Variants in THAP9 observed in about 807,000 individuals in gnomAD.
The protein encoded by THAP9 is THAP domain containing 9.
A neutral mutation model predicts 35.7 loss-of-function variants in THAP9; 20 were observed. The ratio of observed to expected loss-of-function variants is 0.56; its 90% confidence interval spans 0.39 to 0.81. The LOEUF (loss-of-function observed/expected upper bound fraction) is 0.81. Among genes scored for constraint, THAP9 ranks in the 40% least tolerant of loss-of-function variants. The pLI is 0.00. For synonymous variants in THAP9, 335 were observed against 373.7 expected, an observed-to-expected ratio of 0.90 and a Z score of 1.19; for missense variants, 870 against 1,047.4, an observed-to-expected ratio of 0.83 and a Z score of 2.34.
At chr4:82,916,131 A>C (rs895287144) in intron 4 of THAP9, among the ~76,000 whole-genome samples, 1 of 152,222 alleles carries the variant, frequency 6.6e-6, no homozygotes, top group Non-Finnish European at 1.5e-5. Context: ...TTTGAGTTAC[A>C]AAAGTATATG....
chr4:82,903,295 T>C (rs1347007156), intron 1 of THAP9: 2 of 152,280 alleles, frequency 1.3e-5, no homozygotes, highest in Non-Finnish European at 2.9e-5. Flanking sequence ...CTATCTTGGC[T>C]CACTGCAACT....
At chr4:82,904,497 G>C (rs899789927) in intron 1 of THAP9, among the ~76,000 whole-genome samples, 1 of 151,936 alleles carries the variant, frequency 6.6e-6, no homozygotes, top group Non-Finnish European at 1.5e-5. Flanking sequence ...AAATATAGTA[G>C]GATTTTTAAT....
In THAP9 at chr4:82,906,336, G is replaced by T; in HGVS notation, c.289G>T (p.Val97Leu). 1 of 1,592,044 alleles carries T rather than the reference G, an allele frequency of 6.3e-7. No individual in the cohort carries two copies. Among genetic ancestry groups the T allele is most frequent in the South Asian group, 1.1e-5 (1 of 87,090 alleles). The change falls in exon 3 of 5, where the codon GTA becomes TTA. Residue 97 changes from valine (V) to leucine (L), a missense_variant. Around this residue, in one of 3 missense-constraint regions of THAP9, gnomAD observed 440 missense variants for 501.2 expected, o/e 0.88. Transcript: ENST00000302236. ...ATATCTGTCATAGATTCCTCAAGGT[G>T]TACATCTTAAAGGTAAAGCAAGACA... ...SVSLYKIPQG[V>L]HLKGKARQKI...
rs180735250 is a variant in THAP9, at chr4:82,907,833, C to A, written c.629C>A (p.Ala210Glu). Residue 210 changes from alanine (A) to glutamate (E), a missense_variant, in exon 4 of 5, where the codon GCA becomes GAA. Around this residue, in one of 3 missense-constraint regions of THAP9, gnomAD observed 440 missense variants for 501.2 expected, o/e 0.88. Coordinates refer to ENST00000302236, the MANE Select transcript of THAP9 (RefSeq NM_024672.6). ...TGGAGAGAAACAGATGAGTACTCCGCAGAAATGAAACAATTTGCATGTACA... is the reference window on the plus strand; with the variant it reads ...TGGAGAGAAACAGATGAGTACTCCGAAGAAATGAAACAATTTGCATGTACA... ...YNWRETDEYS[A>E]EMKQFACTLY... 2 of 1,609,582 alleles carry A rather than the reference C, an allele frequency of 1.2e-6. No homozygotes were observed. Among genetic ancestry groups the A allele is most frequent in the African/African-American group, 2.7e-5 (2 of 74,886 alleles).
chr4:82,906,708 C>T (rs968635733), intron 3 of THAP9, 81 bp downstream of exon 3: 1 of 1,336,082 alleles, frequency 7.5e-7, no homozygotes, highest in African/African-American at 1.5e-5. Context: ...TTTGTTCTTG[C>T]CTATGAAAAC....
rs921172172 is a variant in THAP9, at chr4:82,905,011, G to C, written c.276+80G>C. 125 of 1,362,922 alleles carry C rather than the reference G, an allele frequency of 9.2e-5. 1 individual carries two copies. Among genetic ancestry groups the C allele is most frequent in the Non-Finnish European group, 1.1e-4 (114 of 1,003,812 alleles). The allele number at this position is 1,362,922 out of a possible 1,614,324, so 84.4% of individuals were successfully genotyped here. ...ATCAAGATAGCCCCCATTATAGCTA[G>C]AATTTGCAGACAAAAAAACCCAAGT... On this transcript the variant is annotated intron_variant, in intron 2 of 4. Transcript: ENST00000302236.
Position 82,918,080 on chromosome 4 carries a change from T to C in THAP9, c.1868T>C (p.Leu623Ser), listed in dbSNP as rs144352856. 5.0e-6 allele frequency: 8 copies of C among 1,614,102 alleles called. No homozygotes were observed. Among genetic ancestry groups the C allele is most frequent in the Non-Finnish European group, 6.8e-6 (8 of 1,179,976 alleles). ...ELFLKMLRQV[L>S]VTSSSPTCMA... is the part of the protein sequence containing the mutation. ...TTTCTAAAGATGCTTAGGCAGGTAT[T>C]AGTAACAAGTTCTAGCCCTACCTGC... Residue 623 changes from leucine to serine, a missense_variant, in exon 5 of 5, where the codon TTA becomes TCA. This residue lies in a region of THAP9 where 414 missense variants were observed against 500.8 expected (regional missense o/e 0.83). Coordinates refer to ENST00000302236, the MANE Select transcript of THAP9 (RefSeq NM_024672.6).
At position 82,906,577 on chromosome 4, in the gene THAP9, A is replaced by T. The variant is rs1344921401; in HGVS notation, c.530A>T (p.Glu177Val). 6.2e-7 allele frequency: 1 copy of T among 1,610,896 alleles called. No individual in the cohort carries two copies. The highest frequency in any genetic ancestry group is 1.1e-5 in the South Asian group (1 of 90,424). The change falls in exon 3 of 5, where the codon GAG (glutamate) becomes GTG (valine). Residue 177 changes from glutamate (E) to valine (V), a missense_variant. Around this residue, in one of 3 missense-constraint regions of THAP9, gnomAD observed 440 missense variants for 501.2 expected, o/e 0.88. Transcript: ENST00000302236. ...CGATTAATTGATGCACTTGTAGAAG[A>T]GAAACTACTTTCTGAAGAAACAGAG... Reference protein sequence around the residue: ...GLRLIDALVEEKLLSEETECL... With the variant: ...GLRLIDALVEVKLLSEETECL...
chr4:82,905,697 C>T (rs962033445), intron 2 of THAP9, among the ~76,000 whole-genome samples: 1 of 152,102 alleles, frequency 6.6e-6, no homozygotes, highest in African/African-American at 2.4e-5. Flanking sequence ...TATATACTTA[C>T]TATATATGTG....
Position 82,917,596 on chromosome 4 carries a change from C to G in THAP9, c.1384C>G (p.Pro462Ala), listed in dbSNP as rs1721081775. 6.2e-7 allele frequency: 1 copy of G among 1,613,882 alleles called. No individual in the cohort carries two copies. Among genetic ancestry groups the G allele is most frequent in the Admixed American group, 1.7e-5 (1 of 59,990 alleles). The change falls in exon 5 of 5, where the codon CCA becomes GCA. Residue 462 changes from proline to alanine, a missense_variant. Around this residue, in one of 3 missense-constraint regions of THAP9, gnomAD observed 16 missense variants for 45.5 expected, o/e 0.35. Coordinates refer to ENST00000302236, the MANE Select transcript of THAP9 (RefSeq NM_024672.6). ...GGAATTATCAAATATGGAAAGAATA[C>G]CAAGTACACTTGCAAATTTGAAAAA... ...EQELSNMERI[P>A]STLANLKNHV... is the part of the protein sequence containing the mutation.
chr4:82,908,593 C>CT (rs1439841329), intron 4 of THAP9, among the ~76,000 whole-genome samples: 2 of 152,194 alleles, frequency 1.3e-5, no homozygotes, highest in Admixed American at 6.5e-5. Context: ...TTACAGATTC[C>CT]TTTTTTTGTT....
chr4:82,919,662 A>G lies in THAP9; in HGVS notation c.*738A>G, dbSNP rs982609687. ...ACTTAGTTTGACTTGAAAGAGCTCA[A>G]TGCTCATCGGAAAACAGGGAGAAAC... On this transcript the variant is annotated 3_prime_UTR_variant, in exon 5 of 5. Transcript: ENST00000302236. The G allele has an allele frequency of 1.7e-4, 26 of 152,362 alleles. 1 individual carries two copies. Among genetic ancestry groups the G allele is most frequent in the South Asian group, 1.4e-3 (7 of 4,830 alleles). The allele number at this position is 152,362 out of a possible 1,614,324, so 9.4% of individuals were successfully genotyped here.
In THAP9 at chr4:82,918,553, AC is replaced by A. The variant is rs1560700631; in HGVS notation, c.2344del (p.His782IlefsTer9). On this transcript the variant is annotated frameshift_variant, in exon 5 of 5. Coordinates refer to ENST00000302236, the MANE Select transcript of THAP9 (RefSeq NM_024672.6). LOFTEE classifies it high-confidence loss of function. Reference sequence around the variant, plus strand: ...AAATATTTGTGAGCGAGTTGTAAGAACCCATTCAAGAATGGCAATTTTTGAA... The same window carrying A: ...AAATATTTGTGAGCGAGTTGTAAGAACCATTCAAGAATGGCAATTTTTGAA... ...VINICERVVR[T>X]HSRMAIFELV... is the part of the protein sequence containing the mutation. The A allele has an allele frequency of 1.1e-5, 17 of 1,614,122 alleles. No homozygotes were observed. Among genetic ancestry groups the A allele is most frequent in the Non-Finnish European group, 1.4e-5 (17 of 1,179,974 alleles).
intron 1 of THAP9, chr4:82,901,154 G>A: frequency 1.5e-6 from 1 of 665,704 alleles, no homozygotes; most frequent in Non-Finnish European, 2.8e-6. Flanking sequence ...TCCATTAATT[G>A]GATGGTCTTA....
chr4:82,914,149 A>G (rs866568102), intron 4 of THAP9, among the ~76,000 whole-genome samples: 67 of 152,344 alleles, frequency 4.4e-4, no homozygotes, highest in African/African-American at 1.5e-3. Context: ...GTTGCTGCAA[A>G]AGACATGATC....
At chr4:82,910,590 A>G (rs1490204940) in intron 4 of THAP9, 3 of 327,328 alleles carry the variant, frequency 9.2e-6, no homozygotes, top group Non-Finnish European at 1.5e-5. Flanking sequence ...ATACGTTTCC[A>G]TTTATTTTCC....
chr4:82,913,104 C>A (rs1297269623), intron 4 of THAP9: 1 of 151,680 alleles, frequency 6.6e-6, no homozygotes, highest in East Asian at 1.9e-4. Context: ...TTTTTATTTT[C>A]AGAGACGAAA....
In THAP9 at chr4:82,917,471, G is replaced by A. The variant is rs1484214373; in HGVS notation, c.1259G>A (p.Arg420Lys). The A allele has an allele frequency of 1.9e-6, 3 of 1,613,708 alleles. No individual in the cohort carries two copies. Among genetic ancestry groups the A allele is most frequent in the South Asian group, 1.1e-5 (1 of 91,072 alleles). Residue 420 changes from arginine to lysine, a missense_variant, in exon 5 of 5, where the codon AGA becomes AAA. Arg to Lys is a conservative substitution (Grantham distance 26). Transcript: ENST00000302236. The part of the protein sequence containing the change: ...AYFFDSCHLL[R>K]LIRNAFQNFQ... ...TTCTTTGACTCTTGCCACTTGCTAA[G>A]ATTAATAAGAAATGCATTTCAGAAT...
intron 4 of THAP9, among the ~76,000 whole-genome samples, chr4:82,909,155 T>G (rs963585068): frequency 6.6e-6 from 1 of 152,024 alleles, no homozygotes; most frequent in Non-Finnish European, 1.5e-5. Context: ...TCCACCCACC[T>G]CGGCCTCCCA....
Sources: allele counts gnomAD v4.1 joint callset (sites outside exome capture counted in the v4.1 genomes callset), GRCh38; gene constraint gnomAD v4.1.1; regional missense constraint gnomAD v4.1.1; transcripts MANE v1.5; gene names NCBI Gene and HGNC (gene_info 2026-07-23, HGNC 2026-07-21).